The following KCNIP4 variants were observed in gnomAD, a reference collection of about 807,000 sequenced individuals.
The protein encoded by KCNIP4 is potassium voltage-gated channel interacting protein 4.
Under a neutral mutation model 34.0 loss-of-function variants are expected in KCNIP4, and 12 were observed. The observed-to-expected ratio is 0.35, with a 90% CI of 0.23 to 0.57. The LOEUF (loss-of-function observed/expected upper bound fraction) is 0.57. Among genes scored for constraint, KCNIP4 ranks in the 20% least tolerant of loss-of-function variants. The probability of loss-of-function intolerance (pLI) is 0.83; values close to 1 mark genes in which losing one functional copy is unlikely to be tolerated. For missense variants in KCNIP4, 238 were observed against 311.7 expected (o/e 0.76, Z 1.78); for synonymous variants, 124 against 102.2 (o/e 1.21, Z -1.29).
At chr4:21,230,283 G>C (rs907717430) in intron 1 of KCNIP4, among the ~76,000 whole-genome samples, 1 of 152,118 alleles carries the variant, frequency 6.6e-6, no homozygotes, top group Admixed American at 6.6e-5. Flanking sequence ...TCCCCTGCTT[G>C]TGCTTTCCAG....
chr4:21,237,649 C>G (rs909286510), intron 1 of KCNIP4, among the ~76,000 whole-genome samples: 7 of 152,156 alleles, frequency 4.6e-5, no homozygotes, highest in Admixed American at 2.0e-4. Context: ...ATAAATTCCT[C>G]GACACATACA....
intron 1 of KCNIP4, among the ~76,000 whole-genome samples, chr4:20,909,606 G>T (rs1371790457): frequency 6.6e-6 from 1 of 152,030 alleles, no homozygotes; most frequent in South Asian, 2.1e-4. Flanking sequence ...CTGCTGTTTG[G>T]GACACATTAC....
chr4:21,801,792 T>A (rs992010084), intron 1 of KCNIP4, among the ~76,000 whole-genome samples: 1 of 151,770 alleles, frequency 6.6e-6, no homozygotes, highest in African/African-American at 2.4e-5. Flanking sequence ...GATTTTTATT[T>A]TTTTATAGCT....
At chr4:21,077,251 G>T (rs1745571585) in intron 1 of KCNIP4, among the ~76,000 whole-genome samples, 1 of 152,070 alleles carries the variant, frequency 6.6e-6, no homozygotes, top group Non-Finnish European at 1.5e-5. Flanking sequence ...GTAAATCAAG[G>T]TGATCTAAAG....
chr4:21,366,492 A>C (rs1260983554), intron 1 of KCNIP4, among the ~76,000 whole-genome samples: 1 of 152,232 alleles, frequency 6.6e-6, no homozygotes, highest in Non-Finnish European at 1.5e-5. Context: ...CACTTAAAAG[A>C]ACAAAGCCAG....
intron 1 of KCNIP4, among the ~76,000 whole-genome samples, chr4:21,455,810 TATATATATATA>T (rs1560422767): frequency 0.03 from 2,009 of 67,978 alleles, 189 homozygotes; most frequent in African/African-American, 0.05. Flanking sequence ...CAGATATTCA[TATATATATATA>T]TATATATATA....
chr4:21,227,057 TTA>T (rs1297085979), intron 1 of KCNIP4, among the ~76,000 whole-genome samples: 5 of 152,152 alleles, frequency 3.3e-5, no homozygotes, highest in African/African-American at 1.2e-4. Flanking sequence ...GAATTCAATT[TTA>T]TATGTCACAG....
At chr4:21,048,944 C>CTTTTTT (rs949548104) in intron 1 of KCNIP4, among the ~76,000 whole-genome samples, 32 of 96,044 alleles carry the variant, frequency 3.3e-4, no homozygotes, top group African/African-American at 7.6e-4. Flanking sequence ...TTCTGTTTAT[C>CTTTTTT]TTTTTTTTTT....
intron 1 of KCNIP4, among the ~76,000 whole-genome samples, chr4:21,393,694 C>T (rs944732255): frequency 1.3e-5 from 2 of 152,110 alleles, no homozygotes; most frequent in Admixed American, 6.5e-5. Flanking sequence ...TTTGTTCTAA[C>T]TTTTCCAACT....
intron 1 of KCNIP4, among the ~76,000 whole-genome samples, chr4:21,663,128 T>A (rs1281526095): frequency 6.6e-6 from 1 of 152,190 alleles, no homozygotes; most frequent in Non-Finnish European, 1.5e-5. Flanking sequence ...AAATCAGTTT[T>A]CTAAACTGAT....
intron 1 of KCNIP4, among the ~76,000 whole-genome samples, chr4:20,943,160 T>G (rs1020004376): frequency 4.6e-5 from 7 of 152,170 alleles, no homozygotes; most frequent in African/African-American, 1.7e-4. Flanking sequence ...TATGTTGACA[T>G]TTATTACTAC....
Position 21,304,656 on chromosome 4 carries a change from T to C in KCNIP4, c.62-421947A>G, listed in dbSNP as rs1323451103. 2.0e-5 allele frequency: 3 copies of C among 152,230 alleles called. No homozygotes were observed. The East Asian group carries it at 5.8e-4, about 29-fold the overall frequency. 9.4% of individuals were successfully genotyped at this position (152,230 alleles called of 1,614,324 possible). On this transcript the variant is annotated intron_variant, in intron 1 of 8. Coordinates refer to ENST00000382152, the MANE Select transcript of KCNIP4 (RefSeq NM_025221.6). ...GTGTATTTTGTCCCAACTAGCTGAG[T>C]GCAGATTGCAACGAGGCTTAAGGGA...
chr4:21,754,623 C>T (rs1055196900), intron 1 of KCNIP4, among the ~76,000 whole-genome samples: 4 of 152,124 alleles, frequency 2.6e-5, no homozygotes, highest in African/African-American at 9.7e-5. Context: ...GAAAGCCTGG[C>T]CTCTTGATCA....
intron 1 of KCNIP4, among the ~76,000 whole-genome samples, chr4:21,443,996 C>A (rs1376428766): frequency 6.6e-6 from 1 of 152,090 alleles, no homozygotes; most frequent in Admixed American, 6.6e-5. Flanking sequence ...ACTATAAACA[C>A]CTCTATGCAA....
intron 1 of KCNIP4, among the ~76,000 whole-genome samples, chr4:21,138,568 C>A (rs976202142): frequency 2.6e-5 from 4 of 151,654 alleles, no homozygotes; most frequent in Admixed American, 2.6e-4. Flanking sequence ...TGTTTTACAT[C>A]CCTGTGGTTG....
At chr4:21,291,337 C>G (rs757608229) in intron 1 of KCNIP4, among the ~76,000 whole-genome samples, 4 of 128,838 alleles carry the variant, frequency 3.1e-5, no homozygotes, top group Non-Finnish European at 3.4e-5. Flanking sequence ...ACCCATGAGT[C>G]TAGCATATGT....
intron 1 of KCNIP4, among the ~76,000 whole-genome samples, chr4:21,707,925 A>G (rs906824242): frequency 5.9e-5 from 4 of 67,634 alleles, no homozygotes; most frequent in African/African-American, 2.7e-4. Context: ...ATCCTGAAAC[A>G]CACACATACA....
chr4:21,303,727 A>G, intron 1 of KCNIP4: 3 of 1,091,488 alleles, frequency 2.7e-6, no homozygotes, highest in Non-Finnish European at 2.7e-6. Context: ...ATCTCATTTC[A>G]GGTGCCTCTT....
chr4:20,897,441 C>A (rs542073532), intron 1 of KCNIP4, among the ~76,000 whole-genome samples: 2 of 152,262 alleles, frequency 1.3e-5, no homozygotes, highest in East Asian at 3.9e-4. Flanking sequence ...CACGAAACTA[C>A]TTCCTATTCT....
Sources: gnomAD v4.1 joint callset for allele counts (sites outside exome capture counted in the v4.1 genomes callset) on GRCh38, gnomAD v4.1.1 for gene constraint, MANE v1.5 for transcripts, NCBI Gene and HGNC (gene_info 2026-07-23, HGNC 2026-07-21) for gene names.